The following TMEM132B variants were observed in gnomAD, a reference collection of about 807,000 sequenced individuals.
The protein encoded by TMEM132B is transmembrane protein 132B.
Under a neutral mutation model 90.8 loss-of-function variants are expected in TMEM132B, and 18 were observed. The observed-to-expected ratio is 0.20, with a 90% CI of 0.14 to 0.29. The LOEUF (loss-of-function observed/expected upper bound fraction) is 0.29. Ranked by LOEUF, TMEM132B falls within the 10% of genes least tolerant of loss-of-function variation. TMEM132B has a pLI of 1.00. For missense variants in TMEM132B, 1,096 were observed against 1,326.8 expected, an observed-to-expected ratio of 0.83 and a Z score of 2.70; for synonymous variants, 504 against 523.3, an observed-to-expected ratio of 0.96 and a Z score of 0.50.
At chr12:125,242,679 C>T (rs1290376749) in intron 1 of TMEM132B, among the ~76,000 whole-genome samples, 1 of 152,218 alleles carries the variant, frequency 6.6e-6, no homozygotes, top group Non-Finnish European at 1.5e-5. Context: ...GAGGATCACA[C>T]TGGACAGTTC....
In TMEM132B at chr12:125,415,424, T is replaced by G; in HGVS notation, c.960-107T>G. The G allele has an allele frequency of 7.4e-7, 1 of 1,347,300 alleles. No homozygotes were observed. Among genetic ancestry groups the G allele is most frequent in the Non-Finnish European group, 1.0e-6 (1 of 998,116 alleles). The allele number at this position is 1,347,300 out of a possible 1,614,324, so 83.5% of individuals were successfully genotyped here. On this transcript the variant is annotated intron_variant, in intron 2 of 8. Coordinates refer to ENST00000682704, the MANE Select transcript of TMEM132B (RefSeq NM_001366854.1). The surrounding 1 kb of genome is among the most constrained non-coding windows in gnomAD (Gnocchi z 5.3). Reference sequence around the variant, plus strand: ...CACATCTCCCAGAGGAAGGGGGCGATGTTACAGATGCTTTCCCAGTGATCT... The same window carrying G: ...CACATCTCCCAGAGGAAGGGGGCGAGGTTACAGATGCTTTCCCAGTGATCT...
chr12:125,272,572 A>G (rs1277887116), intron 1 of TMEM132B, among the ~76,000 whole-genome samples: 1 of 149,236 alleles, frequency 6.7e-6, no homozygotes, highest in Non-Finnish European at 1.5e-5. Flanking sequence ...CTCTTGGATT[A>G]AAAAAAAAAT....
At chr12:125,214,774 G>A (rs958848955) in intron 1 of TMEM132B, among the ~76,000 whole-genome samples, 12 of 152,276 alleles carry the variant, frequency 7.9e-5, no homozygotes, top group East Asian at 1.9e-4. Context: ...TCTGTTCCCC[G>A]GAAGCTGACC....
chr12:125,506,092 G>T (rs112889973), intron 3 of TMEM132B, among the ~76,000 whole-genome samples: 292 of 152,306 alleles, frequency 1.9e-3, no homozygotes, highest in African/African-American at 6.7e-3. Flanking sequence ...TTCATTTTCA[G>T]TCTAGCCAAG....
intron 1 of TMEM132B, among the ~76,000 whole-genome samples, chr12:125,348,273 G>T (rs939032521): frequency 6.6e-6 from 1 of 152,076 alleles, no homozygotes; most frequent in Non-Finnish European, 1.5e-5. Flanking sequence ...TAATAATTGT[G>T]GGTGAATATT....
At chr12:125,316,781 G>C (rs970047967) in intron 1 of TMEM132B, among the ~76,000 whole-genome samples, 1 of 152,218 alleles carries the variant, frequency 6.6e-6, no homozygotes, top group African/African-American at 2.4e-5. Flanking sequence ...GGGGGACAGA[G>C]CAGTGAGAAG....
At chr12:125,294,968 C>T (rs1254646263) in intron 1 of TMEM132B, among the ~76,000 whole-genome samples, 2 of 152,104 alleles carry the variant, frequency 1.3e-5, no homozygotes, top group Admixed American at 1.3e-4. Flanking sequence ...ATGCAGGAAG[C>T]ATGTACAACC....
intron 5 of TMEM132B, among the ~76,000 whole-genome samples, chr12:125,605,342 A>G (rs1000445464): frequency 7.2e-5 from 11 of 152,216 alleles, no homozygotes; most frequent in African/African-American, 2.7e-4. Flanking sequence ...AGCTGGACCA[A>G]TCAGACTCTA....
rs573546269 is a variant in TMEM132B, at chr12:125,549,792, A to C, written c.1293+30167A>C. Among the ~76,000 whole-genome samples, 10 of 152,320 alleles carry C rather than the reference A, an allele frequency of 6.6e-5. No individual in the cohort carries two copies. In the South Asian group the frequency reaches 1.5e-3, roughly 22 times the overall value. On this transcript the variant is annotated intron_variant, in intron 4 of 8. Coordinates refer to ENST00000682704, the MANE Select transcript of TMEM132B (RefSeq NM_001366854.1). ...TTTCAAGTATGTTAGTTGTTCACCGATCACAGATTTTGAACACCCAGTAGA... is the reference window on the plus strand; with the variant it reads ...TTTCAAGTATGTTAGTTGTTCACCGCTCACAGATTTTGAACACCCAGTAGA...
chr12:125,416,787 G>A (rs947629115), intron 3 of TMEM132B, among the ~76,000 whole-genome samples: 42 of 152,212 alleles, frequency 2.8e-4, no homozygotes, highest in Admixed American at 1.5e-3. Context: ...TAAACTCTAC[G>A]TTCCAGTCAT....
chr12:125,411,422 G>A (rs12821238), intron 2 of TMEM132B, among the ~76,000 whole-genome samples: 39,425 of 150,998 alleles, frequency 0.26, 5,270 homozygotes, highest in South Asian at 0.32. Flanking sequence ...TAGATGACAG[G>A]TTGATGGGTG....
chr12:125,252,373 C>T (rs985796842), intron 1 of TMEM132B, among the ~76,000 whole-genome samples: 2 of 152,202 alleles, frequency 1.3e-5, no homozygotes, highest in Admixed American at 6.5e-5. Context: ...CAGCTTCTTC[C>T]GTTAGGCGTG....
chr12:125,343,003 A>G (rs751353517), intron 1 of TMEM132B, among the ~76,000 whole-genome samples: 4 of 152,180 alleles, frequency 2.6e-5, no homozygotes, highest in Non-Finnish European at 4.4e-5. Context: ...TCTATAATGA[A>G]TGAATCGTGT....
At chr12:125,344,665 GA>G (rs1463474856) in intron 1 of TMEM132B, among the ~76,000 whole-genome samples, 1 of 152,176 alleles carries the variant, frequency 6.6e-6, no homozygotes, top group Non-Finnish European at 1.5e-5. Context: ...CGTGGAAGGA[GA>G]GAGCAAGGGA....
rs117940402 is a variant in TMEM132B at position 125,419,547 on chromosome 12, G to A, written c.1106+3870G>A. Among the ~76,000 whole-genome samples the A allele has an allele frequency of 4.0e-3, 611 of 152,234 alleles. 4 individuals are homozygous for A. Among genetic ancestry groups the A allele is most frequent in the South Asian group, 0.017 (84 of 4,814 alleles). Reference sequence around the variant, plus strand: ...CCCCATGATTCATTTACCTCCCACCGGGTCCCTTCCACATGTGGAAAATAT... The same window carrying A: ...CCCCATGATTCATTTACCTCCCACCAGGTCCCTTCCACATGTGGAAAATAT... On this transcript the variant is annotated intron_variant, in intron 3 of 8. Coordinates refer to ENST00000682704, the MANE Select transcript of TMEM132B (RefSeq NM_001366854.1).
intron 5 of TMEM132B, among the ~76,000 whole-genome samples, chr12:125,591,217 G>A (rs888131823): frequency 1.3e-5 from 2 of 152,176 alleles, no homozygotes; most frequent in African/African-American, 4.8e-5. Flanking sequence ...GTATCTTACA[G>A]TTCTGGAGGT....
intron 1 of TMEM132B, among the ~76,000 whole-genome samples, chr12:125,343,652 C>T (rs756678919): frequency 6.6e-6 from 1 of 152,170 alleles, no homozygotes; most frequent in Non-Finnish European, 1.5e-5. Context: ...TTTTTGAAAA[C>T]GGTCTAACAG....
intron 2 of TMEM132B, among the ~76,000 whole-genome samples, chr12:125,382,136 C>A (rs933818886): frequency 1.6e-4 from 25 of 152,294 alleles, no homozygotes; most frequent in Non-Finnish European, 3.5e-4. Flanking sequence ...AACTTACATT[C>A]TTCCTTGACT....
chr12:125,635,916 C>A (rs1273864206), intron 5 of TMEM132B, among the ~76,000 whole-genome samples: 1 of 152,120 alleles, frequency 6.6e-6, no homozygotes, highest in African/African-American at 2.4e-5. Context: ...TATGGTTTCT[C>A]TTTCTGCTAT....
Sources: gnomAD v4.1 joint callset for allele counts (sites outside exome capture counted in the v4.1 genomes callset) on GRCh38, gnomAD v4.1.1 for gene constraint, Gnocchi (gnomAD v3.1) non-coding constraint, MANE v1.5 for transcripts, NCBI Gene and HGNC (gene_info 2026-07-23, HGNC 2026-07-21) for gene names.